Variants in EXOC6B observed in about 807,000 individuals in gnomAD.
EXOC6B encodes exocyst complex component 6B, also known as SEC15 homolog B.
EXOC6B carries 54 observed loss-of-function variants against 113.5 expected under a neutral mutation model. The ratio of observed to expected loss-of-function variants is 0.48; its 90% CI spans 0.38 to 0.60. EXOC6B has a LOEUF of 0.60. EXOC6B is among the 20% of genes least tolerant of loss of function. The pLI, the probability that EXOC6B is intolerant of heterozygous loss-of-function variation, is 0.00. For synonymous variants in EXOC6B, 357 were observed against 339.0 expected, an observed-to-expected ratio of 1.05 and a Z score of -0.58; for missense variants, 797 against 977.5, an observed-to-expected ratio of 0.82 and a Z score of 2.46.
At chr2:72,420,865 C>T (rs7424190) in intron 18 of EXOC6B, among the ~76,000 whole-genome samples, 29,436 of 152,090 alleles carry the variant, frequency 0.19, 5,144 homozygotes, top group African/African-American at 0.47. Context: ...AACGTAAAAG[C>T]GTTCCTATTT....
At chr2:72,652,782 T>C (rs907379855) in intron 6 of EXOC6B, among the ~76,000 whole-genome samples, 22 of 147,966 alleles carry the variant, frequency 1.5e-4, no homozygotes, top group Non-Finnish European at 2.5e-4. Flanking sequence ...ATAATATACG[T>C]AATATAATTA....
chr2:72,213,921 G>A (rs561518375), intron 20 of EXOC6B, among the ~76,000 whole-genome samples: 3 of 152,200 alleles, frequency 2.0e-5, no homozygotes, highest in South Asian at 4.2e-4. Context: ...AGGCTACCCA[G>A]TTTATGATAT....
chr2:72,720,799 T>G (rs1679951589), intron 5 of EXOC6B, among the ~76,000 whole-genome samples: 1 of 151,652 alleles, frequency 6.6e-6, no homozygotes, highest in South Asian at 2.1e-4. Context: ...CTGAAATGGC[T>G]GTATTAATAT....
intron 20 of EXOC6B, among the ~76,000 whole-genome samples, chr2:72,324,510 G>C (rs1688020347): frequency 6.6e-6 from 1 of 152,128 alleles, no homozygotes; most frequent in African/African-American, 2.4e-5. Flanking sequence ...GACAGCAATA[G>C]TAGAAGTAAC....
At chr2:72,397,811 A>G (rs1692846746) in intron 18 of EXOC6B, among the ~76,000 whole-genome samples, 1 of 152,192 alleles carries the variant, frequency 6.6e-6, no homozygotes, top group Middle Eastern at 3.4e-3. Context: ...ATAAAGGATG[A>G]GAAAGCCATC....
chr2:72,486,871 C>CA (rs377740956), intron 16 of EXOC6B, among the ~76,000 whole-genome samples: 348 of 144,178 alleles, frequency 2.4e-3, no homozygotes, highest in Middle Eastern at 3.5e-3. Context: ...AAAAATAAAA[C>CA]AAAAAAAAAA....
intron 19 of EXOC6B, among the ~76,000 whole-genome samples, chr2:72,375,760 AG>A (rs1691319954): frequency 6.6e-6 from 1 of 152,238 alleles, no homozygotes; most frequent in African/African-American, 2.4e-5. Context: ...AACTAACAAA[AG>A]AAGAGCAAAT....
At chr2:72,308,831 T>G (rs1184027174) in intron 20 of EXOC6B, among the ~76,000 whole-genome samples, 8 of 152,160 alleles carry the variant, frequency 5.3e-5, no homozygotes. Flanking sequence ...CTACTGTAGT[T>G]AAACAATCTT....
intron 20 of EXOC6B, among the ~76,000 whole-genome samples, chr2:72,265,113 A>C (rs1240455012): frequency 6.6e-6 from 1 of 152,050 alleles, no homozygotes; most frequent in African/African-American, 2.4e-5. Context: ...CTTCCTAGAG[A>C]CTTCCTGAAT....
intron 17 of EXOC6B, among the ~76,000 whole-genome samples, chr2:72,468,102 T>C (rs1341572574): frequency 1.3e-5 from 2 of 152,136 alleles, no homozygotes; most frequent in East Asian, 1.9e-4. Flanking sequence ...ATCCTTCAAC[T>C]GTTGATTGTT....
chr2:72,749,681 G>C (rs1025493779), intron 1 of EXOC6B, among the ~76,000 whole-genome samples: 4 of 151,744 alleles, frequency 2.6e-5, no homozygotes, highest in South Asian at 2.1e-4. Flanking sequence ...ATTCTACTGA[G>C]AGAAAAAAGA....
chr2:72,438,299 CAATCTTTGTGGAAAAAAAAAA>C (rs1490384445), intron 18 of EXOC6B, among the ~76,000 whole-genome samples: 1 of 150,236 alleles, frequency 6.7e-6, no homozygotes, highest in Non-Finnish European at 1.5e-5. Flanking sequence ...CTGTAGCTAT[CAATCTTTGTGGAAAAAAAAAA>C]AAAAAGTTGG....
intron 8 of EXOC6B, among the ~76,000 whole-genome samples, chr2:72,548,504 C>T (rs559381666): frequency 5.3e-5 from 8 of 152,208 alleles, no homozygotes; most frequent in African/African-American, 1.7e-4. Flanking sequence ...AATATTAGAA[C>T]TTTTTGTTAC....
chr2:72,357,016 G>A (rs1006921308), intron 19 of EXOC6B, among the ~76,000 whole-genome samples: 1 of 152,118 alleles, frequency 6.6e-6, no homozygotes, highest in Non-Finnish European at 1.5e-5. Flanking sequence ...CCCTAAGTGG[G>A]ACAGTCAAGA....
intron 5 of EXOC6B, among the ~76,000 whole-genome samples, chr2:72,729,056 C>T (rs1005653677): frequency 5.9e-5 from 9 of 152,150 alleles, no homozygotes; most frequent in East Asian, 3.9e-4. Context: ...AGTAGGTACT[C>T]GATTCATCTT....
chr2:72,265,495 C>G (rs1308355665), intron 20 of EXOC6B, among the ~76,000 whole-genome samples: 1 of 150,368 alleles, frequency 6.7e-6, no homozygotes, highest in Non-Finnish European at 1.5e-5. Flanking sequence ...TGAGTGAGAA[C>G]ATGCAGTGTT....
At chr2:72,756,617 T>C (rs1682427224) in intron 1 of EXOC6B, among the ~76,000 whole-genome samples, 1 of 152,176 alleles carries the variant, frequency 6.6e-6, no homozygotes, top group Non-Finnish European at 1.5e-5. Flanking sequence ...GTAGTAAAAG[T>C]AAGCATTTTT....
chr2:72,409,541 A>C (rs1218087761), intron 18 of EXOC6B, among the ~76,000 whole-genome samples: 2 of 152,240 alleles, frequency 1.3e-5, no homozygotes, highest in Non-Finnish European at 2.9e-5. Flanking sequence ...GCAGCCATAA[A>C]AAATGATGAG....
At chr2:72,260,030 T>G (rs1213306933) in intron 20 of EXOC6B, among the ~76,000 whole-genome samples, 1 of 151,426 alleles carries the variant, frequency 6.6e-6, no homozygotes, top group Non-Finnish European at 1.5e-5. Context: ...AAAACTTGGG[T>G]GACATAGTGA....
Sources: allele counts gnomAD v4.1 joint callset (sites outside exome capture counted in the v4.1 genomes callset), GRCh38; gene constraint gnomAD v4.1.1; transcripts MANE v1.5; gene names NCBI Gene and HGNC (gene_info 2026-07-23, HGNC 2026-07-21).